METTL14: variants seen among roughly 807,000 people sequenced by gnomAD.
METTL14 encodes the protein N(6)-adenosine-methyltransferase non-catalytic subunit METTL14.
A neutral mutation model predicts 62.4 loss-of-function variants in METTL14; 32 were observed. That is an observed-to-expected ratio of 0.51 (90% confidence interval 0.39 to 0.69). The LOEUF is 0.69. METTL14 is among the 30% of genes least tolerant of loss of function. The pLI, the probability that METTL14 is intolerant of heterozygous loss-of-function variation, is 0.00. For synonymous variants in METTL14, 150 were observed against 180.0 expected (o/e 0.83, Z 1.34); for missense variants, 340 against 551.9 (o/e 0.62, Z 3.85).
chr4:118,689,470 T>C lies in METTL14; in HGVS notation c.243+13T>C. 7.0e-7 allele frequency: 1 copy of C among 1,424,592 alleles called. No individual in the cohort carries two copies. Among genetic ancestry groups the C allele is most frequent in the South Asian group, 1.2e-5 (1 of 81,432 alleles). The allele number at this position is 1,424,592 out of a possible 1,614,324, so 88.2% of individuals were successfully genotyped here. On this transcript the variant is annotated intron_variant, in intron 3 of 10. Transcript: ENST00000388822. ...GGAAGAATATAAGGCAAGTAGAGAG[T>C]GAAATAAGTTTATGGTCAAAGAAAA...
intron 10 of METTL14, among the ~76,000 whole-genome samples, chr4:118,708,911 T>A (rs953453666): frequency 6.6e-6 from 1 of 152,210 alleles, no homozygotes; most frequent in Non-Finnish European, 1.5e-5. Flanking sequence ...GAGCACCGTG[T>A]CTGTATTGGG....
chr4:118,687,511 C>G (rs1315551464), intron 1 of METTL14, among the ~76,000 whole-genome samples: 1 of 152,156 alleles, frequency 6.6e-6, no homozygotes, highest in Non-Finnish European at 1.5e-5. Context: ...TGATAGGCAT[C>G]CAGGCTGCTC....
chr4:118,697,438 T>C (rs1474180032), intron 7 of METTL14, 115 bp downstream of exon 7: 4 of 871,642 alleles, frequency 4.6e-6, no homozygotes, highest in Non-Finnish European at 6.7e-6. Flanking sequence ...ATTATAAATG[T>C]AGATTTATAG....
intron 1 of METTL14, chr4:118,686,518 G>A (rs1321611711): frequency 2.3e-6 from 1 of 434,618 alleles, no homozygotes; most frequent in East Asian, 7.1e-5. Context: ...ATGGACTTCT[G>A]AAACCTATCC....
rs779817047 is a variant in METTL14 at position 118,691,995 on chromosome 4, A to G, written c.339A>G (p.Leu113=). 6.8e-6 allele frequency: 11 copies of G among 1,609,446 alleles called. No individual in the cohort carries two copies. The South Asian group carries it at 1.2e-4, about 18-fold the overall frequency. The change falls in exon 5 of 11, where the codon TTA becomes TTG. Residue 113 remains leucine, a synonymous_variant. Transcript: ENST00000388822. ...SSTFLKGTQS[L]NPHNDYCQHF... ...TTTTAATTTAGGGAACACAGAGCTT[A>G]AATCCCCATAATGATTACTGCCAAC...
In METTL14 at chr4:118,715,221, C is replaced by G. The variant is rs186580738; in HGVS notation, c.*4919C>G. 1.6e-4 allele frequency: 24 copies of G among 152,332 alleles called. No individual in the cohort carries two copies. The highest frequency in any genetic ancestry group is 4.8e-4 in the African/African-American group (20 of 41,576). The allele number at this position is 152,332 out of a possible 1,614,324, so 9.4% of individuals were successfully genotyped here. A position where few individuals can be genotyped will look rare whatever the true frequency, so the allele number is the denominator to read the frequency against. Reference sequence around the variant, plus strand: ...TGTTATCATAAGAGAATGGCTACATCATTATCCTGCCTTTTCTGGGTGTTT... The same window carrying G: ...TGTTATCATAAGAGAATGGCTACATGATTATCCTGCCTTTTCTGGGTGTTT... On this transcript the variant is annotated 3_prime_UTR_variant, in exon 11 of 11. Coordinates refer to ENST00000388822, the MANE Select transcript of METTL14 (RefSeq NM_020961.4).
At chr4:118,690,184 G>A (rs982765812) in intron 3 of METTL14, among the ~76,000 whole-genome samples, 5 of 150,912 alleles carry the variant, frequency 3.3e-5, no homozygotes, top group Non-Finnish European at 7.4e-5. Context: ...GGGACTACAA[G>A]CACGCACCAC....
rs1724976135 is a variant in METTL14 at position 118,713,174 on chromosome 4, C to A, written c.*2872C>A. On this transcript the variant is annotated 3_prime_UTR_variant, in exon 11 of 11. Transcript: ENST00000388822. ...CTACTGCAGCAGTTCTGCTCTGTTA[C>A]TCTGGTAAGTAGTAGAGCCACTTTA... 6.6e-6 allele frequency: 1 copy of A among 152,166 alleles called. No individual in the cohort carries two copies. 9.4% of individuals were successfully genotyped at this position (152,166 alleles called of 1,614,324 possible). A position where few individuals can be genotyped will look rare whatever the true frequency, so the allele number is the denominator to read the frequency against.
chr4:118,687,810 TGA>T, intron 1 of METTL14, 111 bp from the exon 2 acceptor site: 1 of 685,434 alleles, frequency 1.5e-6, no homozygotes, highest in Non-Finnish European at 2.5e-6. Context: ...TGTGTGTGTG[TGA>T]ATTAAGGTGT....
chr4:118,712,915 A>G lies in METTL14; in HGVS notation c.*2613A>G, dbSNP rs1157210346. On this transcript the variant is annotated 3_prime_UTR_variant, in exon 11 of 11. Transcript: ENST00000388822. ...TTACTCTTCTTCACTGTGGAGAAAG[A>G]AGAGGGCAGGTAGTTGATGATGTCA... The G allele has an allele frequency of 6.6e-6, 1 of 152,186 alleles. No individual in the cohort carries two copies. Among genetic ancestry groups the G allele is most frequent in the Non-Finnish European group, 1.5e-5 (1 of 68,032 alleles). The allele number at this position is 152,186 out of a possible 1,614,324, so 9.4% of individuals were successfully genotyped here.
intron 10 of METTL14, among the ~76,000 whole-genome samples, chr4:118,707,893 G>T (rs1724807347): frequency 6.6e-6 from 1 of 150,860 alleles, no homozygotes; most frequent in South Asian, 2.1e-4. Context: ...GAGTGCAGTG[G>T]CACGATCTTG....
rs1724437062 is a variant in METTL14, at chr4:118,697,179, T to C, written c.504-3T>C. 1.3e-6 allele frequency: 2 copies of C among 1,578,056 alleles called. No homozygotes were observed. The highest frequency in any genetic ancestry group is 4.5e-5 in the East Asian group (2 of 44,344). On this transcript the variant is annotated splice_region_variant and splice_polypyrimidine_tract_variant and intron_variant, in intron 6 of 10. Transcript: ENST00000388822. ...CCTCATTTTTAATGCTTTAATCAAA[T>C]AGGTACTTACAAGCCGATATAGAAG... is the stretch of plus-strand genomic sequence containing the variant.
intron 5 of METTL14, among the ~76,000 whole-genome samples, chr4:118,693,381 G>A (rs1395807950): frequency 6.6e-6 from 1 of 151,980 alleles, no homozygotes; most frequent in African/African-American, 2.4e-5. Context: ...TTCTCTTTGT[G>A]TGTGGGTGTG....
intron 2 of METTL14, among the ~76,000 whole-genome samples, chr4:118,688,426 A>G (rs1472734109): frequency 9.7e-5 from 14 of 143,674 alleles, no homozygotes; most frequent in Non-Finnish European, 1.7e-4. Context: ...TGGGAGACAG[A>G]GTGAGACTCC....
Position 118,691,562 on chromosome 4 carries a change from A to C in METTL14, c.274A>C (p.Asn92His). The C allele has an allele frequency of 6.4e-7, 1 of 1,555,298 alleles. No homozygotes were observed. Among genetic ancestry groups the C allele is most frequent in the South Asian group, 1.2e-5 (1 of 81,986 alleles). Residue 92 changes from asparagine to histidine, a missense_variant, in exon 4 of 11, where the codon AAT becomes CAT. Physicochemically the swap from Asn to His is moderately conservative, Grantham distance 68 (BLOSUM62 1). This residue lies in a region of METTL14 where 111 missense variants were observed against 116.6 expected (regional missense o/e 0.95). Transcript: ENST00000388822. ...ACTAGAAATGCAACAGGATGAAGAAAATTTGCCATATGAAGAAGAGATTTA... is the reference window on the plus strand; with the variant it reads ...ACTAGAAATGCAACAGGATGAAGAACATTTGCCATATGAAGAAGAGATTTA... ...DELEMQQDEENLPYEEEIYKD... is the reference protein window; with the variant it reads ...DELEMQQDEEHLPYEEEIYKD...
intron 7 of METTL14, among the ~76,000 whole-genome samples, chr4:118,699,099 C>T (rs1029387690): frequency 6.6e-6 from 1 of 152,156 alleles, no homozygotes; most frequent in African/African-American, 2.4e-5. Context: ...TTCTGCATTT[C>T]TAGAAAAGAT....
intron 9 of METTL14, 24 bp downstream of exon 9, chr4:118,704,075 T>A: frequency 5.6e-6 from 8 of 1,416,246 alleles, no homozygotes; most frequent in Non-Finnish European, 6.8e-6. Context: ...TGATTTGTTT[T>A]TTTTAATTTT....
rs1443294909 is a variant in METTL14 at position 118,690,678 on chromosome 4, A to C, written c.244-854A>C. ...CTGGGCAACAGAGTGACTCTGTCTC[A>C]AAAAAAAAAAAAAAAAACACAAAAC... On this transcript the variant is annotated intron_variant, in intron 3 of 10. Coordinates refer to ENST00000388822, the MANE Select transcript of METTL14 (RefSeq NM_020961.4). 1.2e-4 allele frequency among the ~76,000 whole-genome samples: 16 copies of C among 135,120 alleles called. No individual in the cohort carries two copies. The South Asian group carries it at 3.4e-3, about 29-fold the overall frequency. 88.6% of individuals were successfully genotyped at this position (135,120 alleles called of 152,430 possible).
intron 5 of METTL14, among the ~76,000 whole-genome samples, chr4:118,692,376 C>G (rs1724277294): frequency 6.6e-6 from 1 of 151,550 alleles, no homozygotes; most frequent in African/African-American, 2.4e-5. Flanking sequence ...TTACAGGCAC[C>G]CCCCACCGTG....
Sources: allele counts gnomAD v4.1 joint callset (sites outside exome capture counted in the v4.1 genomes callset), GRCh38; gene constraint gnomAD v4.1.1; regional missense constraint gnomAD v4.1.1; transcripts MANE v1.5; gene names NCBI Gene and HGNC (gene_info 2026-07-23, HGNC 2026-07-21).